Variants in KLF12 observed in about 807,000 individuals in gnomAD.
The protein encoded by KLF12 is Krueppel-like factor 12.
KLF12 carries 9 observed loss-of-function variants against 37.8 expected under a neutral mutation model. The observed-to-expected ratio is 0.24, with a 90% CI of 0.14 to 0.42. The LOEUF (loss-of-function observed/expected upper bound fraction) is 0.42. KLF12 is among the 10% of genes least tolerant of loss of function. The pLI is 1.00. For missense variants in KLF12, 411 were observed against 516.0 expected (o/e 0.80, Z 1.97); for synonymous variants, 208 against 202.1 (o/e 1.03, Z -0.25).
chr13:73,835,582 G>A (rs1353489482), intron 4 of KLF12, among the ~76,000 whole-genome samples: 1 of 152,122 alleles, frequency 6.6e-6, no homozygotes, highest in Admixed American at 6.5e-5. Context: ...GGGAGGTGCA[G>A]AAAGGGCAAG....
At chr13:74,180,539 C>T in the KLF12 span, among the ~76,000 whole-genome samples, 1 of 152,176 alleles carries the variant, frequency 6.6e-6, no homozygotes, top group African/African-American at 2.4e-5. Context: ...TCTTCACAAT[C>T]ATGGCATATG....
chr13:74,127,445 A>G (rs1878003786), intron 1 of KLF12, among the ~76,000 whole-genome samples: 1 of 152,214 alleles, frequency 6.6e-6, no homozygotes, highest in Non-Finnish European at 1.5e-5. Context: ...GAGAATACCA[A>G]CCGGAACACA....
At chr13:73,702,031 A>G (rs545610652) in intron 7 of KLF12, among the ~76,000 whole-genome samples, 2 of 152,230 alleles carry the variant, frequency 1.3e-5, no homozygotes, top group African/African-American at 2.4e-5. Context: ...CACACACAAA[A>G]AAAGGGTGGG....
At chr13:73,945,302 C>G (rs1890371852) in intron 2 of KLF12, among the ~76,000 whole-genome samples, 1 of 152,114 alleles carries the variant, frequency 6.6e-6, no homozygotes, top group Non-Finnish European at 1.5e-5. Context: ...AACCCCGTCT[C>G]TACTAAAAAT....
At chr13:74,119,421 T>C (rs1166656760) in intron 1 of KLF12, among the ~76,000 whole-genome samples, 1 of 150,938 alleles carries the variant, frequency 6.6e-6, no homozygotes, top group Non-Finnish European at 1.5e-5. Context: ...GACCCTGAGA[T>C]AGCAGAGATA....
the KLF12 span, among the ~76,000 whole-genome samples, chr13:74,294,514 A>T: frequency 6.6e-6 from 1 of 152,058 alleles, no homozygotes; most frequent in South Asian, 2.1e-4. Context: ...GATTACAGGC[A>T]CGCGCCACCA....
intron 4 of KLF12, among the ~76,000 whole-genome samples, chr13:73,818,738 A>G (rs991078173): frequency 1.3e-5 from 2 of 152,218 alleles, no homozygotes; most frequent in South Asian, 2.1e-4. Flanking sequence ...GAATCCCTTC[A>G]CCTCCACGCG....
intron 6 of KLF12, among the ~76,000 whole-genome samples, chr13:73,760,014 A>G (rs1049966486): frequency 2.0e-5 from 3 of 152,218 alleles, no homozygotes; most frequent in African/African-American, 4.8e-5. Context: ...CATGAATATA[A>G]ATATTTAAGT....
chr13:73,926,328 C>A (rs1211811091), intron 3 of KLF12, among the ~76,000 whole-genome samples: 2 of 152,170 alleles, frequency 1.3e-5, no homozygotes, highest in Non-Finnish European at 2.9e-5. Context: ...GGCAGACCCT[C>A]CAGAAGCAAA....
chr13:73,934,378 A>G (rs1361003308), intron 3 of KLF12, among the ~76,000 whole-genome samples: 3 of 152,092 alleles, frequency 2.0e-5, no homozygotes, highest in African/African-American at 4.8e-5. Flanking sequence ...GTTACTACTC[A>G]TTTTCATTCA....
intron 6 of KLF12, among the ~76,000 whole-genome samples, chr13:73,752,804 C>T (rs2137984477): frequency 6.6e-6 from 1 of 150,860 alleles, no homozygotes; most frequent in Middle Eastern, 3.4e-3. Flanking sequence ...GTAACCTCTG[C>T]CTCCCGGGTT....
intron 6 of KLF12, among the ~76,000 whole-genome samples, chr13:73,726,190 T>G (rs1876656456): frequency 6.6e-6 from 1 of 152,164 alleles, no homozygotes; most frequent in Non-Finnish European, 1.5e-5. Context: ...GAATGGAGTT[T>G]TCATGAAAAT....
intron 6 of KLF12, among the ~76,000 whole-genome samples, chr13:73,763,931 G>C (rs537018935): frequency 3.6e-4 from 55 of 152,152 alleles, no homozygotes; most frequent in Non-Finnish European, 7.2e-4. Context: ...TAACAACATC[G>C]CCAAGCTATT....
the KLF12 span, among the ~76,000 whole-genome samples, chr13:74,278,569 A>C: frequency 6.6e-6 from 1 of 152,190 alleles, no homozygotes; most frequent in East Asian, 1.9e-4. Context: ...AAGGACACAT[A>C]TTAAATCCTC....
Position 73,846,363 on chromosome 13 carries a change from A to G in KLF12, c.134T>C (p.Val45Ala). 6.2e-7 allele frequency: 1 copy of G among 1,610,008 alleles called. No homozygotes were observed. Among genetic ancestry groups the G allele is most frequent in the East Asian group, 2.2e-5 (1 of 44,834 alleles). Residue 45 changes from valine (V) to alanine (A), a missense_variant, in exon 4 of 8, where the codon GTC becomes GCC. Val to Ala is a moderately conservative substitution (Grantham distance 64, BLOSUM62 0). This residue lies in a region of KLF12 where 351 missense variants were observed against 397.8 expected (regional missense o/e 0.88). Coordinates refer to ENST00000377669, the MANE Select transcript of KLF12 (RefSeq NM_007249.5). ...GGCTTCCATATCGGGATAGTTGTGG[A>G]CGTTTGGAGACTGTGGGGAGAAAAA... is the stretch of plus-strand genomic sequence containing the variant.
chr13:74,026,183 G>A (rs1593839941), intron 1 of KLF12, among the ~76,000 whole-genome samples: 1 of 150,486 alleles, frequency 6.6e-6, no homozygotes, highest in South Asian at 2.1e-4. Context: ...CTTTACCTTG[G>A]AGGAAAACTG....
In KLF12 at chr13:73,977,450, G is replaced by A. The variant is rs78816528; in HGVS notation, c.33+17540C>T. Among the ~76,000 whole-genome samples the A allele has an allele frequency of 2.7e-3, 407 of 152,164 alleles. 3 individuals carry two copies. Among genetic ancestry groups the A allele is most frequent in the African/African-American group, 9.2e-3 (380 of 41,528 alleles). ...AAAATTAGTATCAAACAGACTACACGCTATAAATATAACACAATGAAATTA... is the reference window on the plus strand; with the variant it reads ...AAAATTAGTATCAAACAGACTACACACTATAAATATAACACAATGAAATTA... On this transcript the variant is annotated intron_variant, in intron 2 of 7. Transcript: ENST00000377669.
intron 1 of KLF12, among the ~76,000 whole-genome samples, chr13:74,047,190 T>C (rs7325397): frequency 0.98 from 148,906 of 152,196 alleles, 72,933 homozygotes; most frequent in East Asian, 1. Flanking sequence ...TCAGCAGTGG[T>C]CATATGACCC....
chr13:74,155,190 T>C, the KLF12 span, among the ~76,000 whole-genome samples: 112,394 of 152,086 alleles, frequency 0.74, 42,723 homozygotes, highest in East Asian at 0.9. Context: ...CAAGTATTCT[T>C]TGCATGAATG....
Sources: allele counts gnomAD v4.1 joint callset (sites outside exome capture counted in the v4.1 genomes callset), GRCh38; gene constraint gnomAD v4.1.1; regional missense constraint gnomAD v4.1.1; transcripts MANE v1.5; gene names NCBI Gene and HGNC (gene_info 2026-07-23, HGNC 2026-07-21).